The following UBR4 variants were observed in gnomAD, a reference collection of about 807,000 sequenced individuals.
UBR4 encodes E3 ubiquitin-protein ligase UBR4.
A neutral mutation model predicts 575.6 loss-of-function variants in UBR4; 124 were observed. The ratio of observed to expected loss-of-function variants is 0.22; its 90% CI spans 0.19 to 0.25. The LOEUF (loss-of-function observed/expected upper bound fraction) is 0.25. UBR4 is among the 10% of genes least tolerant of loss of function. UBR4 has a pLI of 1.00. For synonymous variants in UBR4, 2,455 were observed against 2,473.7 expected (o/e 0.99, Z 0.22); for missense variants, 4,818 against 6,478.8 (o/e 0.74, Z 8.80).
At chr1:19,155,711 G>C (rs1208594013) in intron 42 of UBR4, 43 bp from the exon 43 acceptor site, 2 of 1,533,174 alleles carry the variant, frequency 1.3e-6, no homozygotes, top group Non-Finnish European at 1.8e-6. Context: ...ATCTATCTCA[G>C]TCCCATCCCC....
chr1:19,121,410 A>T lies in UBR4; in HGVS notation c.9920T>A (p.Val3307Asp), dbSNP rs780497725. 4.3e-6 allele frequency: 7 copies of T among 1,613,998 alleles called. No homozygotes were observed. The highest frequency in any genetic ancestry group is 5.9e-6 in the Non-Finnish European group (7 of 1,179,914). The change falls in exon 68 of 106, where the codon GTC becomes GAC. Residue 3307 changes from valine to aspartate, a missense_variant. Coordinates refer to ENST00000375254, the MANE Select transcript of UBR4 (RefSeq NM_020765.3). ...DDSVLYFLLQVSFLVDEGVSP... is the reference protein window; with the variant it reads ...DDSVLYFLLQDSFLVDEGVSP... ...CACGCCCTCATCCACAAGGAAACTGACTTGGAGGAGGAAGTACAGGACGGC... is the reference window on the plus strand; with the variant it reads ...CACGCCCTCATCCACAAGGAAACTGTCTTGGAGGAGGAAGTACAGGACGGC...
At position 19,210,182 on chromosome 1, in the gene UBR4, C is replaced by T. The variant is rs536643885; in HGVS notation, c.67G>A (p.Ala23Thr). The T allele has an allele frequency of 6.7e-5, 101 of 1,502,060 alleles. 1 individual carries two copies. In the South Asian group the frequency reaches 1.1e-3, roughly 16 times the overall value. The allele number at this position is 1,502,060 out of a possible 1,614,324, so 93.0% of individuals were successfully genotyped here. The change falls in exon 1 of 106, where the codon GCG becomes ACG. Residue 23 changes from alanine (A) to threonine (T), a missense_variant. Ala to Thr is a moderately conservative substitution (Grantham distance 58). Around this residue, in one of 29 missense-constraint regions of UBR4, gnomAD observed 95 missense variants for 87.7 expected, o/e 1.08. Transcript: ENST00000375254. The stretch of plus-strand genomic sequence containing the variant: ...ACCTCCCAGCCCGGGGTCGTGTCCG[C>T]CCCCGTTGCCGGGGTCCCCGGCGCC... Reference protein sequence around the residue: ...APAPGTPATGADTTPGWEVAV... With the variant: ...APAPGTPATGTDTTPGWEVAV...
At chr1:19,163,466 G>A (rs539152280) in intron 34 of UBR4, among the ~76,000 whole-genome samples, 4 of 152,230 alleles carry the variant, frequency 2.6e-5, no homozygotes, top group Non-Finnish European at 5.9e-5. Flanking sequence ...AGCCTGAGCA[G>A]GGAGACAGTT....
chr1:19,144,976 A>G, intron 53 of UBR4, 69 bp from the exon 54 acceptor site: 1 of 1,588,242 alleles, frequency 6.3e-7, no homozygotes, highest in Non-Finnish European at 8.6e-7. Flanking sequence ...AGTCTGAGAC[A>G]AAAGTGTAAC....
chr1:19,186,982 G>A (rs1416293137), intron 13 of UBR4, among the ~76,000 whole-genome samples, 182 bp downstream of exon 13: 2 of 151,442 alleles, frequency 1.3e-5, no homozygotes, highest in East Asian at 1.9e-4. Context: ...GATTCAACCC[G>A]CTAAGAATTT....
intron 58 of UBR4, 35 bp downstream of exon 58, chr1:19,140,753 G>A: frequency 1.3e-6 from 2 of 1,594,054 alleles, no homozygotes; most frequent in Non-Finnish European, 1.7e-6. Context: ...AGGGTCCTGG[G>A]GCCCTGAGCC....
intron 17 of UBR4, among the ~76,000 whole-genome samples, chr1:19,183,510 T>C (rs571741408): frequency 6.6e-6 from 1 of 152,042 alleles, no homozygotes. Context: ...TCACCTGAGG[T>C]CAGGAGTTTG....
Position 19,132,845 on chromosome 1 carries a change from G to A in UBR4, c.8907-3771C>T, listed in dbSNP as rs559939940. ...GAGAAAAATATATGAACAGGCTCAC[G>A]CCAGTAAAACTGACAACTTTAATAA... is the stretch of plus-strand genomic sequence containing the variant. On this transcript the variant is annotated intron_variant, in intron 60 of 105. Transcript: ENST00000375254. Among the ~76,000 whole-genome samples, 24 of 152,010 alleles carry A rather than the reference G, an allele frequency of 1.6e-4. 1 individual carries two copies. Among genetic ancestry groups the A allele is most frequent in the South Asian group, 1.0e-3 (5 of 4,816 alleles).
rs781066496 is a variant in UBR4 at position 19,185,073 on chromosome 1, C to T, written c.1938+26G>A. 4 of 1,613,890 alleles carry T rather than the reference C, an allele frequency of 2.5e-6. No homozygotes were observed. In the African/African-American group the frequency reaches 5.3e-5, roughly 22 times the overall value. ...CCCCTAGCTCCCCATGTCCACTTCC[C>T]CTAAACCTTAGAAACCTACTCTTAC... On this transcript the variant is annotated intron_variant, in intron 15 of 105. Coordinates refer to ENST00000375254, the MANE Select transcript of UBR4 (RefSeq NM_020765.3).
intron 74 of UBR4, 115 bp downstream of exon 74, chr1:19,115,282 TA>T: frequency 6.9e-7 from 1 of 1,444,694 alleles, no homozygotes; most frequent in Non-Finnish European, 9.2e-7. Flanking sequence ...TACAAACCCA[TA>T]ATTCTCTAAA....
intron 19 of UBR4, 47 bp downstream of exon 19, chr1:19,177,414 A>G (rs1408464075): frequency 6.3e-7 from 1 of 1,595,010 alleles, no homozygotes; most frequent in East Asian, 2.2e-5. Context: ...TGAGAAGAAT[A>G]AAGTTCTCAG....
intron 20 of UBR4, 31 bp from the exon 21 acceptor site, chr1:19,175,064 G>C (rs113929316): frequency 1.3e-6 from 2 of 1,587,410 alleles, no homozygotes; most frequent in Admixed American, 1.7e-5. Context: ...TAAAAGAATG[G>C]TTCCATTCTT....
chr1:19,106,487 A>AGTCT, intron 83 of UBR4, 82 bp downstream of exon 83: 1 of 1,464,688 alleles, frequency 6.8e-7, no homozygotes, highest in South Asian at 1.5e-5. Flanking sequence ...CAGTGCAGAC[A>AGTCT]CATGGTGAGG....
rs568402227 is a variant in UBR4 at position 19,197,372 on chromosome 1, T to A, written c.894-107A>T. On this transcript the variant is annotated intron_variant, in intron 7 of 105. Coordinates refer to ENST00000375254, the MANE Select transcript of UBR4 (RefSeq NM_020765.3). ...GGCCCGGCACAGTGGCTCACGCCTA[T>A]AATTCCGACACTTCAGGAGGCCAAG... is the stretch of plus-strand genomic sequence containing the variant. The A allele has an allele frequency of 3.7e-5, 55 of 1,483,644 alleles. No homozygotes were observed. In the African/African-American group the frequency reaches 6.1e-4, roughly 17 times the overall value. The allele number at this position is 1,483,644 out of a possible 1,614,324, so 91.9% of individuals were successfully genotyped here.
rs941197555 is a variant in UBR4, at chr1:19,104,853, A to C, written c.12646-187T>G. 3.6e-6 allele frequency: 4 copies of C among 1,113,144 alleles called. No homozygotes were observed. The South Asian group carries it at 4.7e-5, about 13-fold the overall frequency. 69.0% of individuals were successfully genotyped at this position (1,113,144 alleles called of 1,614,324 possible). ...TGGTAAGGGATTGCTTAAAAACTGT[A>C]AACAGTCCAAATGCTCCCAAGAGTT... On this transcript the variant is annotated intron_variant, in intron 85 of 105. Transcript: ENST00000375254.
chr1:19,084,412 C>G (rs893630456), intron 102 of UBR4, 92 bp downstream of exon 102: 16 of 1,354,580 alleles, frequency 1.2e-5, no homozygotes, highest in African/African-American at 8.7e-5. Flanking sequence ...CCGGAACTAG[C>G]ATGAGAGGCT....
chr1:19,140,214 ATT>A (rs11291469), intron 58 of UBR4, among the ~76,000 whole-genome samples: 2,959 of 149,324 alleles, frequency 0.02, 97 homozygotes, highest in African/African-American at 0.067. Context: ...TTCAGGAAAC[ATT>A]TTTTTTTTTT....
At chr1:19,188,382 C>T (rs1198026752) in intron 11 of UBR4, among the ~76,000 whole-genome samples, 1 of 152,000 alleles carries the variant, frequency 6.6e-6, no homozygotes, top group Non-Finnish European at 1.5e-5. Context: ...GGCAAGACCC[C>T]ATCTCTACAA....
chr1:19,091,599 C>T (rs1018982488), intron 97 of UBR4, among the ~76,000 whole-genome samples: 1 of 152,278 alleles, frequency 6.6e-6, no homozygotes, highest in African/African-American at 2.4e-5. Context: ...ACTAGGAAAA[C>T]GCAGAACCAC....
Sources: allele counts gnomAD v4.1 joint callset (sites outside exome capture counted in the v4.1 genomes callset), GRCh38; gene constraint gnomAD v4.1.1; regional missense constraint gnomAD v4.1.1; transcripts MANE v1.5; gene names NCBI Gene and HGNC (gene_info 2026-07-23, HGNC 2026-07-21).